The following C1orf21 variants were observed in gnomAD, a reference collection of about 807,000 sequenced individuals.
C1orf21 encodes the protein uncharacterized protein C1orf21.
C1orf21 carries 3 observed loss-of-function variants against 18.7 expected under a neutral mutation model. The observed-to-expected ratio is 0.16, with a 90% confidence interval of 0.07 to 0.42. C1orf21 has a LOEUF of 0.42. Among genes scored for constraint, C1orf21 ranks in the 10% least tolerant of loss-of-function variants. C1orf21 has a pLI of 0.99. For missense variants in C1orf21, 104 were observed against 143.6 expected (o/e 0.72, Z 1.41); for synonymous variants, 41 against 46.4 (o/e 0.88, Z 0.47).
chr1:184,567,393 A>T, intron 3 of C1orf21: 1 of 508,070 alleles, frequency 2.0e-6, no homozygotes, highest in South Asian at 1.5e-5. Context: ...GGGGAACCTC[A>T]TATCTTTAAA....
chr1:184,396,731 T>TA (rs1656055937), intron 1 of C1orf21, among the ~76,000 whole-genome samples: 1 of 152,186 alleles, frequency 6.6e-6, no homozygotes, highest in Non-Finnish European at 1.5e-5. Context: ...TCTACCCTCT[T>TA]ACCACACCAC....
In C1orf21 at chr1:184,590,759, T is replaced by C. The variant is rs1659425383; in HGVS notation, c.210T>C (p.Asn70=). ...TTCAGGAAAAAAGTGCCAGCTCAAA[T>C]GTAAGACTTAAAACTAATAAAGAGG... ...QENLEKSASS[N]VRLKTNKEVP... The change falls in exon 4 of 6, where the codon AAT becomes AAC. Residue 70 remains asparagine, a synonymous_variant. Coordinates refer to ENST00000235307, the MANE Select transcript of C1orf21 (RefSeq NM_030806.4). 1.9e-6 allele frequency: 3 copies of C among 1,613,970 alleles called. No individual in the cohort carries two copies. In the African/African-American group the frequency reaches 4.0e-5, roughly 22 times the overall value.
chr1:184,445,402 TTCTG>T (rs1283615786), intron 1 of C1orf21, among the ~76,000 whole-genome samples: 2 of 150,774 alleles, frequency 1.3e-5, no homozygotes, highest in Non-Finnish European at 2.9e-5. Context: ...TTCTCCTTTC[TTCTG>T]TCTATTAAAC....
At chr1:184,584,239 A>G (rs1659323595) in intron 3 of C1orf21, among the ~76,000 whole-genome samples, 1 of 151,070 alleles carries the variant, frequency 6.6e-6, no homozygotes, top group Non-Finnish European at 1.5e-5. Flanking sequence ...CAAATATAAA[A>G]CTGACTTCTT....
chr1:184,395,069 C>T (rs1656030418), intron 1 of C1orf21, among the ~76,000 whole-genome samples: 1 of 152,168 alleles, frequency 6.6e-6, no homozygotes, highest in Non-Finnish European at 1.5e-5. Context: ...CACTTCAAAT[C>T]CCACCTCCTC....
intron 3 of C1orf21, among the ~76,000 whole-genome samples, chr1:184,547,019 T>C (rs1344333403): frequency 6.6e-6 from 1 of 152,030 alleles, no homozygotes. Flanking sequence ...TGAACAGCAG[T>C]AACTAAAAAA....
chr1:184,578,635 T>A (rs1482642433), intron 3 of C1orf21, among the ~76,000 whole-genome samples: 1 of 152,210 alleles, frequency 6.6e-6, no homozygotes, highest in Non-Finnish European at 1.5e-5. Context: ...TTTTTCTATA[T>A]TTCTGTGAAA....
In C1orf21 at chr1:184,477,259, A is replaced by C. The variant is rs1287475222; in HGVS notation, c.-124-127A>C. 6 of 391,226 alleles carry C rather than the reference A, an allele frequency of 1.5e-5. No homozygotes were observed. The East Asian group carries it at 2.8e-4, about 18-fold the overall frequency. The allele number at this position is 391,226 out of a possible 1,614,324, so 24.2% of individuals were successfully genotyped here. A position where few individuals can be genotyped will look rare whatever the true frequency, so the allele number is the denominator to read the frequency against. ...ACATGGTTCTTCTGTGCCCACCACA[A>C]CACCAGTGCGATGGGTGGGTCTGTG... On this transcript the variant is annotated intron_variant, in intron 1 of 5. Coordinates refer to ENST00000235307, the MANE Select transcript of C1orf21 (RefSeq NM_030806.4).
intron 1 of C1orf21, among the ~76,000 whole-genome samples, chr1:184,465,137 T>A (rs2101985626): frequency 6.6e-6 from 1 of 152,308 alleles, no homozygotes; most frequent in African/African-American, 2.4e-5. Flanking sequence ...TCCAGGTATA[T>A]CTTAGACTTT....
chr1:184,545,492 T>C (rs1658715995), intron 3 of C1orf21, among the ~76,000 whole-genome samples: 1 of 152,042 alleles, frequency 6.6e-6, no homozygotes, highest in Non-Finnish European at 1.5e-5. Flanking sequence ...TAGGGAGAAA[T>C]TTTTAGAAAT....
chr1:184,456,107 A>G (rs898332257), intron 1 of C1orf21, among the ~76,000 whole-genome samples: 1 of 152,206 alleles, frequency 6.6e-6, no homozygotes, highest in Non-Finnish European at 1.5e-5. Context: ...AGCAAGCTAT[A>G]TTAATCAAAT....
At chr1:184,513,364 G>A (rs1211479965) in intron 3 of C1orf21, among the ~76,000 whole-genome samples, 1 of 152,190 alleles carries the variant, frequency 6.6e-6, no homozygotes, top group Non-Finnish European at 1.5e-5. Context: ...ATAAATAAAA[G>A]ACAAATGATT....
At chr1:184,561,416 C>A (rs1478176198) in intron 3 of C1orf21, among the ~76,000 whole-genome samples, 1 of 152,166 alleles carries the variant, frequency 6.6e-6, no homozygotes, top group Admixed American at 6.5e-5. Flanking sequence ...TGACAGTGTG[C>A]TGTCAGTGAT....
intron 3 of C1orf21, among the ~76,000 whole-genome samples, chr1:184,526,442 C>A (rs1297344627): frequency 1.3e-5 from 2 of 152,114 alleles, no homozygotes; most frequent in African/African-American, 4.8e-5. Flanking sequence ...GCATTTTATT[C>A]TTTTACTTGG....
intron 1 of C1orf21, among the ~76,000 whole-genome samples, chr1:184,443,845 G>T (rs998323898): frequency 1.3e-5 from 2 of 152,150 alleles, no homozygotes; most frequent in Non-Finnish European, 2.9e-5. Context: ...AAGTGCACTG[G>T]ATTGCACTGT....
chr1:184,486,662 T>C (rs1173084163), intron 2 of C1orf21, among the ~76,000 whole-genome samples: 1 of 152,190 alleles, frequency 6.6e-6, no homozygotes, highest in Non-Finnish European at 1.5e-5. Flanking sequence ...ACGTTTTCTA[T>C]GACAGAAAGT....
At chr1:184,615,891 G>A (rs1185011916) in intron 5 of C1orf21, among the ~76,000 whole-genome samples, 1 of 152,132 alleles carries the variant, frequency 6.6e-6, no homozygotes, top group African/African-American at 2.4e-5. Flanking sequence ...TCAAATCAGG[G>A]TACTTAGTAT....
At chr1:184,420,899 G>C (rs1233472314) in intron 1 of C1orf21, among the ~76,000 whole-genome samples, 1 of 151,984 alleles carries the variant, frequency 6.6e-6, no homozygotes, top group African/African-American at 2.4e-5. Context: ...AGGGATGATT[G>C]TCTGATTTTT....
chr1:184,599,362 C>T (rs765695906), intron 5 of C1orf21: 8 of 152,106 alleles, frequency 5.3e-5, no homozygotes, highest in Non-Finnish European at 1.0e-4. Context: ...AATTTCTAAG[C>T]TATGATGTAT....
Sources: allele counts gnomAD v4.1 joint callset (sites outside exome capture counted in the v4.1 genomes callset), GRCh38; gene constraint gnomAD v4.1.1; transcripts MANE v1.5; gene names NCBI Gene and HGNC (gene_info 2026-07-23, HGNC 2026-07-21).